Variants in PDE1C observed in about 807,000 individuals in gnomAD.
The protein encoded by PDE1C is dual specificity calcium/calmodulin-dependent 3',5'-cyclic nucleotide phosphodiesterase 1C.
A neutral mutation model predicts 93.1 loss-of-function variants in PDE1C; 62 were observed. That is an observed-to-expected ratio of 0.67 (90% CI 0.54 to 0.82). The LOEUF is 0.82. Ranked by LOEUF, PDE1C falls within the 40% of genes least tolerant of loss-of-function variation. The pLI is 0.00. For synonymous variants in PDE1C, 325 were observed against 310.1 expected, an observed-to-expected ratio of 1.05 and a Z score of -0.50; for missense variants, 742 against 884.6, an observed-to-expected ratio of 0.84 and a Z score of 2.04.
At chr7:32,128,953 A>ATATATATAT (rs58057588) in intron 3 of PDE1C, among the ~76,000 whole-genome samples, 1 of 105,006 alleles carries the variant, frequency 9.5e-6, no homozygotes, top group Non-Finnish European at 1.8e-5. Context: ...ATATATATAT[A>ATATATATAT]AAGAAAAATC....
chr7:31,861,933 T>C (rs933387068), intron 7 of PDE1C, among the ~76,000 whole-genome samples: 3 of 152,154 alleles, frequency 2.0e-5, no homozygotes, highest in Non-Finnish European at 4.4e-5. Flanking sequence ...CTGATCTAGC[T>C]CCTGCTTCTT....
chr7:31,667,293 A>G, the PDE1C span, among the ~76,000 whole-genome samples: 2 of 152,168 alleles, frequency 1.3e-5, no homozygotes, highest in African/African-American at 2.4e-5. Flanking sequence ...ACCCTAGCTT[A>G]AGAAAATTAG....
chr7:32,127,023 G>T (rs939156511), intron 3 of PDE1C, among the ~76,000 whole-genome samples: 7 of 152,258 alleles, frequency 4.6e-5, no homozygotes, highest in African/African-American at 1.7e-4. Flanking sequence ...GCCCTCCCCA[G>T]TGTGAAAGGG....
the PDE1C span, among the ~76,000 whole-genome samples, chr7:31,660,647 T>A: frequency 6.6e-6 from 1 of 152,180 alleles, no homozygotes; most frequent in South Asian, 2.1e-4. Context: ...TCTGACTTTA[T>A]CTTATTTGTC....
the PDE1C span, chr7:31,655,676 C>A: frequency 1.1e-6 from 1 of 948,738 alleles, no homozygotes; most frequent in Non-Finnish European, 1.3e-6. Flanking sequence ...CATCTTGGCT[C>A]CTATATCATG....
chr7:32,128,064 GA>G lies in PDE1C; in HGVS notation c.308+41720del, dbSNP rs149546180. On this transcript the variant is annotated intron_variant, in intron 3 of 18. Transcript: ENST00000396193. Reference sequence around the variant, plus strand: ...ATTAGAATTGAAGAAAGGAAGAACAGAAGTAAACTTTAGAATTTAATGTAAG... The same window carrying G: ...ATTAGAATTGAAGAAAGGAAGAACAGAGTAAACTTTAGAATTTAATGTAAG... Among the ~76,000 whole-genome samples, 399 of 151,938 alleles carry G rather than the reference GA, an allele frequency of 2.6e-3. 3 individuals are homozygous for G. Among genetic ancestry groups the G allele is most frequent in the African/African-American group, 9.3e-3 (385 of 41,524 alleles).
intron 3 of PDE1C, among the ~76,000 whole-genome samples, chr7:32,121,664 C>CT (rs1333892483): frequency 6.6e-6 from 1 of 151,938 alleles, no homozygotes; most frequent in Non-Finnish European, 1.5e-5. Flanking sequence ...TCCAGACAAG[C>CT]AAAGGCTGAG....
At chr7:31,927,062 C>T (rs1391744421) in intron 2 of PDE1C, among the ~76,000 whole-genome samples, 1 of 152,178 alleles carries the variant, frequency 6.6e-6, no homozygotes, top group Non-Finnish European at 1.5e-5. Flanking sequence ...GAACCAGTGG[C>T]TTGAAATTCT....
chr7:31,997,493 T>A (rs1784868064), intron 2 of PDE1C, among the ~76,000 whole-genome samples: 1 of 152,206 alleles, frequency 6.6e-6, no homozygotes, highest in African/African-American at 2.4e-5. Flanking sequence ...ATGGTCTGAA[T>A]AAATTGCCAG....
At chr7:32,065,053 G>C (rs1463001514) in intron 1 of PDE1C, among the ~76,000 whole-genome samples, 1 of 2,824 alleles carries the variant, frequency 3.5e-4, no homozygotes, top group Non-Finnish European at 1.0e-3. Flanking sequence ...AACGGCGGTG[G>C]GGGGGGGGGG....
At chr7:32,360,914 G>A (rs1362110903) in intron 1 of PDE1C, among the ~76,000 whole-genome samples, 6 of 152,194 alleles carry the variant, frequency 3.9e-5, no homozygotes, top group African/African-American at 1.2e-4. Context: ...AACACTAAGT[G>A]AGCACTTACT....
chr7:31,621,005 C>CAGTG, the PDE1C span, among the ~76,000 whole-genome samples: 2 of 151,652 alleles, frequency 1.3e-5, no homozygotes, highest in Non-Finnish European at 2.9e-5. Flanking sequence ...GAAAGGGTAT[C>CAGTG]AGTGATGGAA....
intron 1 of PDE1C, among the ~76,000 whole-genome samples, chr7:32,308,390 C>T (rs1478532119): frequency 6.6e-6 from 1 of 152,260 alleles, no homozygotes; most frequent in Non-Finnish European, 1.5e-5. Context: ...AGTAGTGGTT[C>T]TCCCAGCACG....
intron 1 of PDE1C, among the ~76,000 whole-genome samples, chr7:32,350,172 C>G (rs1253696832): frequency 6.6e-6 from 1 of 152,028 alleles, no homozygotes; most frequent in Admixed American, 6.6e-5. Context: ...AAATTAAACA[C>G]AATAATATAA....
At chr7:32,053,827 T>TC (rs1793696056) in intron 1 of PDE1C, among the ~76,000 whole-genome samples, 2 of 152,148 alleles carry the variant, frequency 1.3e-5, no homozygotes, top group South Asian at 4.2e-4. Context: ...CTCTGTAGGA[T>TC]CCCCTCTCTG....
At chr7:32,309,770 A>G (rs1436154395) in intron 1 of PDE1C, among the ~76,000 whole-genome samples, 1 of 152,218 alleles carries the variant, frequency 6.6e-6, no homozygotes, top group Non-Finnish European at 1.5e-5. Context: ...GGAAAGGAAA[A>G]ACTGGTACCA....
At chr7:31,830,336 T>C (rs959037966) in intron 11 of PDE1C, among the ~76,000 whole-genome samples, 1 of 152,012 alleles carries the variant, frequency 6.6e-6, no homozygotes, top group African/African-American at 2.4e-5. Flanking sequence ...ATTGAAGAGG[T>C]CAACATTTTC....
chr7:32,188,875 C>T (rs537385749), intron 2 of PDE1C, among the ~76,000 whole-genome samples: 1 of 152,274 alleles, frequency 6.6e-6, no homozygotes, highest in Admixed American at 6.5e-5. Flanking sequence ...TATTCATCAT[C>T]TATTTGGGCA....
At chr7:32,196,243 T>C (rs1252686614) in intron 2 of PDE1C, among the ~76,000 whole-genome samples, 2 of 152,162 alleles carry the variant, frequency 1.3e-5, no homozygotes, top group African/African-American at 4.8e-5. Flanking sequence ...CAAGCCTTTT[T>C]TGGAATGGGT....
Sources: gnomAD v4.1 joint callset for allele counts (sites outside exome capture counted in the v4.1 genomes callset) on GRCh38, gnomAD v4.1.1 for gene constraint, MANE v1.5 for transcripts, NCBI Gene and HGNC (gene_info 2026-07-23, HGNC 2026-07-21) for gene names.